USP39: variants seen among roughly 807,000 people sequenced by gnomAD.
The protein encoded by USP39 is ubiquitin specific peptidase 39.
A neutral mutation model predicts 66.4 loss-of-function variants in USP39; 38 were observed. That is an observed-to-expected ratio of 0.57 (90% confidence interval 0.44 to 0.75). The LOEUF (loss-of-function observed/expected upper bound fraction) is 0.75, where lower values mean the gene tolerates loss of function less well. Ranked by LOEUF, USP39 falls within the 30% of genes least tolerant of loss-of-function variation. The probability of loss-of-function intolerance (pLI) is 0.00; values close to 1 mark genes in which losing one functional copy is unlikely to be tolerated. For missense variants in USP39, 608 were observed against 714.4 expected (o/e 0.85, Z 1.70); for synonymous variants, 303 against 274.6 (o/e 1.10, Z -1.02).
At chr2:85,643,219 G>A (rs575399510) in intron 10 of USP39, among the ~76,000 whole-genome samples, 2 of 152,164 alleles carry the variant, frequency 1.3e-5, no homozygotes, top group Admixed American at 6.6e-5. Context: ...AACCAGGCAC[G>A]GTGGCTCACA....
intron 2 of USP39, among the ~76,000 whole-genome samples, chr2:85,619,604 G>GA (rs1428135326): frequency 4.0e-5 from 6 of 149,598 alleles, no homozygotes; most frequent in Non-Finnish European, 8.9e-5. Flanking sequence ...GGATTCAGCA[G>GA]AAAAAAAACA....
chr2:85,616,391 G>C lies in USP39; in HGVS notation c.196G>C (p.Val66Leu). 1.2e-6 allele frequency: 2 copies of C among 1,603,962 alleles called. No individual in the cohort carries two copies. Among genetic ancestry groups the C allele is most frequent in the Non-Finnish European group, 1.7e-6 (2 of 1,175,330 alleles). ...PASAREAPASVVPFVRVKRER... is the reference protein window; with the variant it reads ...PASAREAPASLVPFVRVKRER... ...GAGCGCGCGCGAGGCCCCGGCTTCT[G>C]TTGTCCCGTTTGTGCGGGTGAAGCG... Residue 66 changes from valine (V) to leucine (L), a missense_variant, in exon 1 of 13, where the codon GTT (valine) becomes CTT (leucine). Around this residue, in one of 6 missense-constraint regions of USP39, gnomAD observed 207 missense variants for 145.7 expected, o/e 1.42. Coordinates refer to ENST00000323701, the MANE Select transcript of USP39 (RefSeq NM_006590.4).
At chr2:85,647,254 G>A (rs935547760) in intron 11 of USP39, among the ~76,000 whole-genome samples, 5 of 152,146 alleles carry the variant, frequency 3.3e-5, no homozygotes, top group Non-Finnish European at 7.4e-5. Flanking sequence ...AGAATGTCTA[G>A]TCTGTCATTT....
At chr2:85,622,203 C>T (rs1223693758) in intron 3 of USP39, among the ~76,000 whole-genome samples, 2 of 151,712 alleles carry the variant, frequency 1.3e-5, no homozygotes, top group South Asian at 2.1e-4. Flanking sequence ...TCACTGCAGC[C>T]TCTTGACTCC....
intron 5 of USP39, among the ~76,000 whole-genome samples, chr2:85,626,995 C>T (rs776739287): frequency 3.3e-5 from 5 of 151,960 alleles, no homozygotes; most frequent in Non-Finnish European, 1.5e-5. Flanking sequence ...GATCCACCTG[C>T]CTCGGCCTCC....
intron 10 of USP39, among the ~76,000 whole-genome samples, chr2:85,641,504 A>G (rs778454757): frequency 3.3e-5 from 5 of 152,194 alleles, no homozygotes; most frequent in Non-Finnish European, 7.3e-5. Context: ...GTTGTACTAG[A>G]TGCTTTTAGT....
intron 4 of USP39, among the ~76,000 whole-genome samples, 182 bp downstream of exon 4, chr2:85,623,964 G>A (rs1674654261): frequency 6.6e-6 from 1 of 152,224 alleles, no homozygotes; most frequent in South Asian, 2.1e-4. Flanking sequence ...ATTGCAGCCT[G>A]TAGTCTGTAA....
intron 11 of USP39, 170 bp downstream of exon 11, chr2:85,645,253 T>A: frequency 3.6e-6 from 3 of 825,064 alleles, no homozygotes; most frequent in East Asian, 2.9e-5. Flanking sequence ...CAATTTTGGC[T>A]ACACATTGGA....
upstream of USP39, chr2:85,611,228 A>G (rs2104163176): frequency 7.7e-7 from 1 of 1,298,234 alleles, no homozygotes; most frequent in East Asian, 3.5e-5. Flanking sequence ...AACATTTTAA[A>G]AAAAGTAATA....
At chr2:85,609,075 G>A (rs758580710), upstream of USP39, 3 of 1,613,852 alleles carry the variant, frequency 1.9e-6, no homozygotes, top group Admixed American at 1.7e-5. Flanking sequence ...ACCCTACGTG[G>A]AGGAAGAGTC....
At chr2:85,611,679 G>C (rs1046947660), upstream of USP39, 10 of 1,565,998 alleles carry the variant, frequency 6.4e-6, no homozygotes, top group Non-Finnish European at 7.8e-6. Context: ...TCGGTGTCGC[G>C]GCAGGTACAC....
chr2:85,631,701 G>A (rs574341287), intron 6 of USP39, among the ~76,000 whole-genome samples: 7 of 152,092 alleles, frequency 4.6e-5, no homozygotes, highest in African/African-American at 9.6e-5. Flanking sequence ...TCATTCTTTC[G>A]TGTCCCACAT....
intron 6 of USP39, 67 bp from the exon 7 acceptor site, chr2:85,635,986 G>GT: frequency 6.9e-7 from 1 of 1,456,232 alleles, no homozygotes; most frequent in Middle Eastern, 1.8e-4. Context: ...ATGCCAACCA[G>GT]TGCATGGTTT....
upstream of USP39, chr2:85,611,730 TGCCGCCTCCTCACCTTCTCCTTG>T: frequency 3.1e-6 from 5 of 1,607,110 alleles, no homozygotes; most frequent in Non-Finnish European, 4.2e-6. Flanking sequence ...CGCGGGCGTG[TGCCGCCTCCTCACCTTCTCCTTG>T]GCCGCCTGCT....
Position 85,645,041 on chromosome 2 carries a change from C to G in USP39, c.1521C>G (p.Gly507=). 1 of 1,614,164 alleles carries G rather than the reference C, an allele frequency of 6.2e-7. No homozygotes were observed. Among genetic ancestry groups the G allele is most frequent in the Non-Finnish European group, 8.5e-7 (1 of 1,180,024 alleles). The change falls in exon 11 of 13, where the codon GGC becomes GGG. Residue 507 remains glycine, a synonymous_variant. Transcript: ENST00000323701. ...YDLIANIVHD[G]KPSEGSYRIH... is the part of the protein sequence containing the mutation. Reference sequence around the variant, plus strand: ...TCATTGCCAACATCGTGCATGACGGCAAGCCCTCCGAGGGCTCCTACCGGA... The same window carrying G: ...TCATTGCCAACATCGTGCATGACGGGAAGCCCTCCGAGGGCTCCTACCGGA...
chr2:85,633,727 A>C (rs1386993722), intron 6 of USP39, among the ~76,000 whole-genome samples: 1 of 151,836 alleles, frequency 6.6e-6, no homozygotes, highest in African/African-American at 2.4e-5. Context: ...TGTTGGTCCC[A>C]CTGTACTCCA....
chr2:85,630,975 C>T, intron 6 of USP39, 29 bp downstream of exon 6: 2 of 1,590,282 alleles, frequency 1.3e-6, no homozygotes, highest in Non-Finnish European at 1.7e-6. Context: ...TGTTTCAGGA[C>T]AACAAAACTA....
upstream of USP39, chr2:85,611,863 A>C: frequency 6.3e-7 from 1 of 1,597,848 alleles, no homozygotes. Flanking sequence ...GCGGCGGCGC[A>C]GGGCGGGGCG....
rs1457057113 is a variant in USP39 at position 85,648,989 on chromosome 2, C to T, written c.*181C>T. ...CCTGGGATGGCCCCACACTGTCACT[C>T]AGCTGTTCTTTGATCATTTTTTTCT... On this transcript the variant is annotated 3_prime_UTR_variant, in exon 13 of 13. Coordinates refer to ENST00000323701, the MANE Select transcript of USP39 (RefSeq NM_006590.4). 2.9e-6 allele frequency: 2 copies of T among 688,836 alleles called. No individual in the cohort carries two copies. Among genetic ancestry groups the T allele is most frequent in the South Asian group, 3.6e-5 (2 of 55,008 alleles). The allele number at this position is 688,836 out of a possible 1,614,324, so 42.7% of individuals were successfully genotyped here.
Sources: allele counts gnomAD v4.1 joint callset (sites outside exome capture counted in the v4.1 genomes callset), GRCh38; gene constraint gnomAD v4.1.1; regional missense constraint gnomAD v4.1.1; transcripts MANE v1.5; gene names NCBI Gene and HGNC (gene_info 2026-07-23, HGNC 2026-07-21).